Variants in GPR158 observed in about 807,000 individuals in gnomAD.
The protein encoded by GPR158 is metabotropic glycine receptor.
In GPR158, 30 loss-of-function variants were observed where a neutral mutation model predicts 78.2. The observed-to-expected ratio is 0.38, with a 90% CI of 0.29 to 0.52. The LOEUF is 0.52. Ranked by LOEUF, GPR158 falls within the 20% of genes least tolerant of loss-of-function variation. The pLI, the probability that GPR158 is intolerant of heterozygous loss-of-function variation, is 0.83. For missense variants in GPR158, 1,463 were observed against 1,523.5 expected (o/e 0.96, Z 0.66); for synonymous variants, 581 against 591.1 (o/e 0.98, Z 0.25).
At chr10:25,453,005 TC>T (rs1167751771) in intron 4 of GPR158, among the ~76,000 whole-genome samples, 23 of 152,210 alleles carry the variant, frequency 1.5e-4, no homozygotes, top group Non-Finnish European at 5.9e-5. Flanking sequence ...CTGGCTTATT[TC>T]ACTTAGCATG....
At chr10:25,447,550 G>A (rs1239898374) in intron 4 of GPR158, among the ~76,000 whole-genome samples, 1 of 152,140 alleles carries the variant, frequency 6.6e-6, no homozygotes, top group Non-Finnish European at 1.5e-5. Context: ...GATCAGATAG[G>A]TGTAAATGAA....
intron 3 of GPR158, among the ~76,000 whole-genome samples, chr10:25,398,246 C>G (rs751407031): frequency 6.6e-6 from 1 of 152,166 alleles, no homozygotes; most frequent in African/African-American, 2.4e-5. Context: ...ACATCTTAAG[C>G]CCCTAAACTT....
At chr10:25,579,013 AAAAAT>A (rs1837147303) in intron 7 of GPR158, among the ~76,000 whole-genome samples, 1 of 148,076 alleles carries the variant, frequency 6.8e-6, no homozygotes, top group Non-Finnish European at 1.5e-5. Context: ...CCGTCTCAAA[AAAAAT>A]AAAATAAAAA....
At chr10:25,412,503 G>A (rs761025594) in intron 4 of GPR158, 30 bp downstream of exon 4, 28 of 1,425,374 alleles carry the variant, frequency 2.0e-5, no homozygotes, top group African/African-American at 2.8e-5. Flanking sequence ...TTATGATCCT[G>A]TATTACAGAG....
intron 2 of GPR158, among the ~76,000 whole-genome samples, chr10:25,338,685 AGTC>A (rs1230415468): frequency 6.7e-6 from 1 of 148,484 alleles, no homozygotes; most frequent in Non-Finnish European, 1.5e-5. Flanking sequence ...TCACAGTAGT[AGTC>A]TGTAATTCTG....
intron 2 of GPR158, among the ~76,000 whole-genome samples, chr10:25,347,536 T>G (rs1855388687): frequency 6.6e-6 from 1 of 152,026 alleles, no homozygotes; most frequent in Non-Finnish European, 1.5e-5. Flanking sequence ...ACATCATCAT[T>G]ATACAAGCTA....
chr10:25,222,935 G>T (rs555469625), intron 2 of GPR158, among the ~76,000 whole-genome samples: 2 of 152,260 alleles, frequency 1.3e-5, no homozygotes, highest in East Asian at 3.9e-4. Flanking sequence ...TGTCCTTACA[G>T]CGCATCTGTT....
intron 4 of GPR158, among the ~76,000 whole-genome samples, chr10:25,453,140 G>A (rs1835244320): frequency 6.6e-6 from 1 of 152,162 alleles, no homozygotes. Flanking sequence ...TAGACTCTAA[G>A]GCTGATTTCA....
chr10:25,480,413 G>A (rs114148302), intron 5 of GPR158, among the ~76,000 whole-genome samples: 2,691 of 152,264 alleles, frequency 0.018, 88 homozygotes, highest in African/African-American at 0.062. Flanking sequence ...ACAGTGTTGT[G>A]CAGCCATGGC....
chr10:25,271,942 A>C (rs548566431), intron 2 of GPR158, among the ~76,000 whole-genome samples: 1 of 152,254 alleles, frequency 6.6e-6, no homozygotes, highest in South Asian at 2.1e-4. Context: ...CTCTGGCCAC[A>C]ATATCATATT....
intron 3 of GPR158, among the ~76,000 whole-genome samples, chr10:25,400,473 G>A (rs551092087): frequency 3.9e-5 from 6 of 152,292 alleles, no homozygotes; most frequent in African/African-American, 1.4e-4. Context: ...CCAACAGAAT[G>A]TATTCAAATA....
At chr10:25,435,728 G>C (rs1019555212) in intron 4 of GPR158, among the ~76,000 whole-genome samples, 23 of 152,198 alleles carry the variant, frequency 1.5e-4, no homozygotes, top group African/African-American at 5.5e-4. Flanking sequence ...AGGTGGTCCT[G>C]TTGATTGATT....
At chr10:25,422,850 A>ACCCCCCCCCCCCCCCCTTCCCC (rs11424448) in intron 4 of GPR158, among the ~76,000 whole-genome samples, 1 of 130,274 alleles carries the variant, frequency 7.7e-6, no homozygotes, top group African/African-American at 2.9e-5. Flanking sequence ...TTATTCCCTT[A>ACCCCCCCCCCCCCCCCTTCCCC]CCCCCCCCAC....
At chr10:25,328,713 G>C (rs1262465225) in intron 2 of GPR158, among the ~76,000 whole-genome samples, 2 of 151,788 alleles carry the variant, frequency 1.3e-5, no homozygotes, top group African/African-American at 4.8e-5. Context: ...GATCACCTGA[G>C]GTCAGGGGTT....
intron 4 of GPR158, among the ~76,000 whole-genome samples, chr10:25,454,834 A>G (rs1835269396): frequency 6.6e-6 from 1 of 152,204 alleles, no homozygotes; most frequent in Non-Finnish European, 1.5e-5. Flanking sequence ...TCTAAATCAT[A>G]GAAGAGACCA....
chr10:25,478,677 G>A (rs1281348651), intron 5 of GPR158, among the ~76,000 whole-genome samples: 1 of 151,676 alleles, frequency 6.6e-6, no homozygotes, highest in Non-Finnish European at 1.5e-5. Flanking sequence ...TAAGTTCTAG[G>A]GTACATGTGC....
intron 2 of GPR158, among the ~76,000 whole-genome samples, chr10:25,291,738 C>A (rs1854438623): frequency 6.6e-6 from 1 of 151,728 alleles, no homozygotes; most frequent in African/African-American, 2.4e-5. Flanking sequence ...TAAATGAACT[C>A]TTCAGAAATC....
intron 2 of GPR158, among the ~76,000 whole-genome samples, chr10:25,348,991 A>G (rs1002174361): frequency 6.6e-6 from 1 of 152,030 alleles, no homozygotes; most frequent in African/African-American, 2.4e-5. Context: ...TGAAGAGGTG[A>G]GTTTATTTCC....
chr10:25,208,440 G>T (rs1034692938), intron 1 of GPR158, among the ~76,000 whole-genome samples: 3 of 152,088 alleles, frequency 2.0e-5, no homozygotes, highest in African/African-American at 7.2e-5. Context: ...TTTTGTAAAA[G>T]AATAAACAAA....
Sources: allele counts gnomAD v4.1 joint callset (sites outside exome capture counted in the v4.1 genomes callset), GRCh38; gene constraint gnomAD v4.1.1; transcripts MANE v1.5; gene names NCBI Gene and HGNC (gene_info 2026-07-23, HGNC 2026-07-21).